Variants in SGCZ observed in about 807,000 individuals in gnomAD.
The protein encoded by SGCZ is sarcoglycan zeta.
SGCZ carries 40 observed loss-of-function variants against 41.3 expected under a neutral mutation model. The ratio of observed to expected loss-of-function variants is 0.97; its 90% confidence interval spans 0.75 to 1.26. SGCZ has a LOEUF of 1.26. Ranked by LOEUF, SGCZ falls within the 50% of genes most tolerant of loss-of-function variation. The pLI, the probability that SGCZ is intolerant of heterozygous loss-of-function variation, is 0.00. For missense variants in SGCZ, 552 were observed against 369.8 expected (o/e 1.49, Z -4.04); for synonymous variants, 206 against 137.5 (o/e 1.50, Z -3.49).
At chr8:14,526,729 C>G (rs17119648) in intron 2 of SGCZ, among the ~76,000 whole-genome samples, 4,807 of 152,078 alleles carry the variant, frequency 0.032, 195 homozygotes, top group Admixed American at 0.089. Context: ...AAATGCATAT[C>G]ACATCAACTC....
chr8:14,505,923 T>G (rs1369539926), intron 2 of SGCZ, among the ~76,000 whole-genome samples: 1 of 152,174 alleles, frequency 6.6e-6, no homozygotes. Context: ...AAGCTAACTG[T>G]TCAGGATGGT....
intron 1 of SGCZ, among the ~76,000 whole-genome samples, chr8:14,658,414 C>T (rs1414221261): frequency 6.6e-6 from 1 of 152,130 alleles, no homozygotes; most frequent in South Asian, 2.1e-4. Flanking sequence ...GATCTGATCA[C>T]TTTGCTCCGT....
At chr8:14,883,762 G>C (rs1804680841) in intron 1 of SGCZ, among the ~76,000 whole-genome samples, 1 of 144,328 alleles carries the variant, frequency 6.9e-6, no homozygotes, top group Non-Finnish European at 1.5e-5. Context: ...AGCTATCTTT[G>C]CTGGCATCCT....
chr8:14,686,987 C>T (rs552014289), intron 1 of SGCZ, among the ~76,000 whole-genome samples: 4 of 151,498 alleles, frequency 2.6e-5, no homozygotes, highest in African/African-American at 7.3e-5. Context: ...AAATATAGGA[C>T]TATTTACAGG....
intron 1 of SGCZ, among the ~76,000 whole-genome samples, chr8:14,968,913 C>G (rs145293482): frequency 7.4e-4 from 113 of 151,924 alleles, no homozygotes; most frequent in African/African-American, 2.6e-3. Context: ...TTTTTTTTCT[C>G]ACAAATGATA....
chr8:14,819,769 C>G (rs1410708243), intron 1 of SGCZ, among the ~76,000 whole-genome samples: 1 of 151,954 alleles, frequency 6.6e-6, no homozygotes, highest in African/African-American at 2.4e-5. Flanking sequence ...TCTATGTGAC[C>G]AAAGTCAAGT....
chr8:15,073,920 G>A (rs527859776), intron 1 of SGCZ, among the ~76,000 whole-genome samples: 1 of 152,242 alleles, frequency 6.6e-6, no homozygotes, highest in Non-Finnish European at 1.5e-5. Context: ...CTCTGTATGT[G>A]CTTATCTCTG....
intron 1 of SGCZ, among the ~76,000 whole-genome samples, chr8:14,920,690 A>G (rs999522816): frequency 2.0e-5 from 3 of 152,188 alleles, no homozygotes; most frequent in Non-Finnish European, 4.4e-5. Context: ...GAGATTTAAA[A>G]ATATTATAGA....
At chr8:15,079,379 T>C (rs1805660150) in intron 1 of SGCZ, among the ~76,000 whole-genome samples, 1 of 152,194 alleles carries the variant, frequency 6.6e-6, no homozygotes, top group African/African-American at 2.4e-5. Context: ...GTCCTATATT[T>C]TTTTCTTTGA....
intron 1 of SGCZ, among the ~76,000 whole-genome samples, chr8:15,101,693 G>C (rs915452561): frequency 3.3e-5 from 5 of 152,162 alleles, no homozygotes; most frequent in Non-Finnish European, 5.9e-5. Context: ...CACTTTGCGA[G>C]GATGAGGCAG....
chr8:14,643,093 T>G (rs1486553701), intron 1 of SGCZ, among the ~76,000 whole-genome samples: 1 of 151,668 alleles, frequency 6.6e-6, no homozygotes, highest in Non-Finnish European at 1.5e-5. Context: ...TTTCTTCTCC[T>G]TCTACCTATA....
chr8:15,065,962 T>C (rs947905139), intron 1 of SGCZ, among the ~76,000 whole-genome samples: 1 of 152,160 alleles, frequency 6.6e-6, no homozygotes, highest in Non-Finnish European at 1.5e-5. Flanking sequence ...AAATCTTAAG[T>C]TAATTACAAA....
intron 1 of SGCZ, among the ~76,000 whole-genome samples, chr8:15,219,425 A>G (rs1801517583): frequency 6.6e-6 from 1 of 152,178 alleles, no homozygotes. Context: ...GCTTTCATAA[A>G]CTATCAGTTA....
At chr8:15,199,899 A>G (rs1800841310) in intron 1 of SGCZ, among the ~76,000 whole-genome samples, 1 of 152,224 alleles carries the variant, frequency 6.6e-6, no homozygotes, top group Non-Finnish European at 1.5e-5. Context: ...TTCTCTAACC[A>G]ACCACTCACA....
In SGCZ at chr8:15,063,214, C is replaced by G. The variant is rs1184819172; in HGVS notation, c.39+174371G>C. Among the ~76,000 whole-genome samples the G allele has an allele frequency of 3.9e-5, 6 of 151,952 alleles. No homozygotes were observed. The East Asian group carries it at 1.2e-3, about 29-fold the overall frequency. On this transcript the variant is annotated intron_variant, in intron 1 of 7. Coordinates refer to ENST00000382080, the MANE Select transcript of SGCZ (RefSeq NM_139167.4). ...AACTTTCTAATTGAAAAACAGAGTC[C>G]AGAGAAATTGACTATAGTATATTAA...
intron 3 of SGCZ, among the ~76,000 whole-genome samples, chr8:14,300,874 C>T (rs1422688097): frequency 6.6e-6 from 1 of 151,744 alleles, no homozygotes; most frequent in Non-Finnish European, 1.5e-5. Context: ...GGATATTAAC[C>T]CCTTACCAGA....
At chr8:14,657,074 T>G in intron 1 of SGCZ, among the ~76,000 whole-genome samples, 1 of 152,090 alleles carries the variant, frequency 6.6e-6, no homozygotes, top group South Asian at 2.1e-4. Context: ...GTCACTCATT[T>G]ATTTTCAATA....
chr8:14,786,618 G>A (rs1800774529), intron 1 of SGCZ, among the ~76,000 whole-genome samples: 1 of 152,046 alleles, frequency 6.6e-6, no homozygotes, highest in Non-Finnish European at 1.5e-5. Context: ...TCAGAAAAGA[G>A]ATGCTGAAGC....
chr8:15,048,560 A>C (rs188608817), intron 1 of SGCZ, among the ~76,000 whole-genome samples: 36 of 152,240 alleles, frequency 2.4e-4, no homozygotes, highest in Admixed American at 3.3e-4. Flanking sequence ...ATCATTACAC[A>C]TTGTGTACAT....
Sources: allele counts gnomAD v4.1 joint callset (sites outside exome capture counted in the v4.1 genomes callset), GRCh38; gene constraint gnomAD v4.1.1; transcripts MANE v1.5; gene names NCBI Gene and HGNC (gene_info 2026-07-23, HGNC 2026-07-21).